Variants in XPO7 observed in about 807,000 individuals in gnomAD.
XPO7 encodes exportin 7.
In XPO7, 21 loss-of-function variants were observed where a neutral mutation model predicts 144.3. That is an observed-to-expected ratio of 0.15 (90% CI 0.10 to 0.21). The LOEUF is 0.21. XPO7 is among the 10% of genes least tolerant of loss of function. The pLI is 1.00. For synonymous variants in XPO7, 580 were observed against 499.6 expected, an observed-to-expected ratio of 1.16 and a Z score of -2.15; for missense variants, 808 against 1,325.8, an observed-to-expected ratio of 0.61 and a Z score of 6.06.
chr8:22,001,992 T>G (rs995587658), intron 24 of XPO7, 120 bp from the exon 25 acceptor site: 7 of 1,233,322 alleles, frequency 5.7e-6, no homozygotes, highest in Non-Finnish European at 7.8e-6. Flanking sequence ...GGAGTCATCT[T>G]GAGCAACCGC....
intron 1 of XPO7, among the ~76,000 whole-genome samples, chr8:21,945,757 T>C (rs539981260): frequency 3.9e-4 from 60 of 152,378 alleles, no homozygotes; most frequent in African/African-American, 1.4e-3. Flanking sequence ...CTTATCACTG[T>C]AATATAAGTA....
At chr8:21,959,093 A>G (rs991488893) in intron 1 of XPO7, among the ~76,000 whole-genome samples, 5 of 152,206 alleles carry the variant, frequency 3.3e-5, no homozygotes, top group South Asian at 2.1e-4. Context: ...CTGAGCGAAT[A>G]TGGATTTGAT....
chr8:21,922,004 T>C lies in XPO7; in HGVS notation c.18+2216T>C, dbSNP rs528127436. Among the ~76,000 whole-genome samples the C allele has an allele frequency of 2.6e-5, 4 of 152,312 alleles. No homozygotes were observed. In the East Asian group the frequency reaches 7.7e-4, roughly 29 times the overall value. ...GTATAATGAGTAAATAAAGGATTCA[T>C]TAAAGACAGTCTGCAATGCATTGAG... On this transcript the variant is annotated intron_variant, in intron 1 of 27. Transcript: ENST00000252512.
At chr8:22,002,431 G>A (rs1049103106) in intron 25 of XPO7, among the ~76,000 whole-genome samples, 159 bp downstream of exon 25, 1 of 152,174 alleles carries the variant, frequency 6.6e-6, no homozygotes, top group Non-Finnish European at 1.5e-5. Context: ...TTTTGAGTTT[G>A]CCAAGTAATC....
intron 2 of XPO7, 96 bp downstream of exon 2, chr8:21,967,099 C>A: frequency 6.9e-7 from 1 of 1,454,774 alleles, no homozygotes; most frequent in South Asian, 1.5e-5. Flanking sequence ...CTTCTGTTCC[C>A]TGATTTTTCT....
intron 21 of XPO7, among the ~76,000 whole-genome samples, chr8:21,996,058 G>A (rs989107195): frequency 2.6e-5 from 4 of 152,142 alleles, no homozygotes; most frequent in Admixed American, 6.5e-5. Context: ...CTCGTGATCC[G>A]CGTGCCTCGG....
intron 11 of XPO7, 42 bp downstream of exon 11, chr8:21,982,854 G>A: frequency 6.5e-7 from 1 of 1,550,080 alleles, no homozygotes. Context: ...CCAGTGGCCT[G>A]TTGTCACACT....
In XPO7 at chr8:21,982,675, T is replaced by C; in HGVS notation, c.1140T>C (p.Leu380=). The C allele has an allele frequency of 1.2e-6, 2 of 1,608,870 alleles. No homozygotes were observed. The highest frequency in any genetic ancestry group is 1.7e-6 in the Non-Finnish European group (2 of 1,178,358). ...TTGCTCCAAATAGTGTGCACTATCTTCTGAGCCTGTGGCAGCGGCTGGCAG... is the reference window on the plus strand; with the variant it reads ...TTGCTCCAAATAGTGTGCACTATCTCCTGAGCCTGTGGCAGCGGCTGGCAG... ...WEFAPNSVHY[L]LSLWQRLAAS... is the part of the protein sequence containing the mutation. The change falls in exon 11 of 28, where the codon CTT becomes CTC. Residue 380 remains leucine, a synonymous_variant. Coordinates refer to ENST00000252512, the MANE Select transcript of XPO7 (RefSeq NM_015024.5).
intron 2 of XPO7, 48 bp downstream of exon 2, chr8:21,967,051 G>C: frequency 6.3e-7 from 1 of 1,582,820 alleles, no homozygotes; most frequent in Non-Finnish European, 8.6e-7. Flanking sequence ...CTTCGGAAAC[G>C]TTATTCTGGT....
chr8:21,969,318 GT>G (rs1270711045), intron 2 of XPO7, among the ~76,000 whole-genome samples, 164 bp from the exon 3 acceptor site: 2 of 149,272 alleles, frequency 1.3e-5, no homozygotes, highest in Non-Finnish European at 3.0e-5. Flanking sequence ...CTTATGCTAT[GT>G]GGTTCATTTT....
chr8:21,954,099 A>G (rs1217106617), intron 1 of XPO7, among the ~76,000 whole-genome samples: 1 of 152,230 alleles, frequency 6.6e-6, no homozygotes, highest in Non-Finnish European at 1.5e-5. Context: ...GCCTGATAAT[A>G]AACCTAAGTA....
intron 7 of XPO7, among the ~76,000 whole-genome samples, chr8:21,976,850 G>A (rs1363838777): frequency 6.6e-6 from 1 of 152,042 alleles, no homozygotes; most frequent in Non-Finnish European, 1.5e-5. Context: ...GTAGAAGTGG[G>A]GTCTAACAAT....
chr8:21,988,257 A>G (rs1479437268), intron 15 of XPO7: 1 of 185,080 alleles, frequency 5.4e-6, no homozygotes, highest in African/African-American at 2.4e-5. Flanking sequence ...CGAAGGGGAA[A>G]GCCCCACTTA....
At chr8:21,923,617 C>G (rs1216505452) in intron 1 of XPO7, among the ~76,000 whole-genome samples, 2 of 151,974 alleles carry the variant, frequency 1.3e-5, no homozygotes, top group Admixed American at 1.3e-4. Flanking sequence ...ACACTTAACA[C>G]AGAAAAAACA....
At chr8:21,974,630 CAATT>C (rs936746635) in intron 5 of XPO7, 36 bp from the exon 6 acceptor site, 2 of 1,443,296 alleles carry the variant, frequency 1.4e-6, no homozygotes, top group African/African-American at 1.4e-5. Flanking sequence ...TCTTTTTTTG[CAATT>C]AATTCTTTGC....
chr8:21,928,609 C>T (rs943593371), intron 1 of XPO7, among the ~76,000 whole-genome samples: 2 of 152,138 alleles, frequency 1.3e-5, no homozygotes, highest in African/African-American at 2.4e-5. Flanking sequence ...TTAGTTTGTA[C>T]TTCTTTGATG....
chr8:21,978,254 A>G (rs925321002), intron 8 of XPO7, among the ~76,000 whole-genome samples: 1 of 152,226 alleles, frequency 6.6e-6, no homozygotes, highest in Non-Finnish European at 1.5e-5. Context: ...GCTAATTTGC[A>G]TACTTACCCT....
chr8:21,986,754 A>G (rs4422769), intron 13 of XPO7, among the ~76,000 whole-genome samples: 88,132 of 152,088 alleles, frequency 0.58, 26,308 homozygotes, highest in African/African-American at 0.73. Context: ...TTCACTCATG[A>G]TGTGTCACAA....
chr8:21,979,311 C>G (rs1431277608), intron 8 of XPO7, among the ~76,000 whole-genome samples: 2 of 151,868 alleles, frequency 1.3e-5, no homozygotes, highest in Non-Finnish European at 2.9e-5. Context: ...TCCCAAAGTG[C>G]TGGGATTACG....
Sources: gnomAD v4.1 joint callset for allele counts (sites outside exome capture counted in the v4.1 genomes callset) on GRCh38, gnomAD v4.1.1 for gene constraint, MANE v1.5 for transcripts, NCBI Gene and HGNC (gene_info 2026-07-23, HGNC 2026-07-21) for gene names.